Variants in ACTG2 observed in about 807,000 individuals in gnomAD.
ACTG2 encodes the protein actin gamma 2, smooth muscle.
Under a neutral mutation model 37.6 loss-of-function variants are expected in ACTG2, and 16 were observed. That is an observed-to-expected ratio of 0.43 (90% CI 0.29 to 0.65). The LOEUF (loss-of-function observed/expected upper bound fraction) is 0.65, where lower values mean the gene tolerates loss of function less well. Ranked by LOEUF, ACTG2 falls within the 30% of genes least tolerant of loss-of-function variation. ACTG2 has a pLI of 0.18. For missense variants in ACTG2, 238 were observed against 490.9 expected, an observed-to-expected ratio of 0.48 and a Z score of 4.87; for synonymous variants, 181 against 179.9, an observed-to-expected ratio of 1.01 and a Z score of -0.05.
rs1248788175 is a variant in ACTG2 at position 73,919,573 on chromosome 2, T to C, written c.1129T>C (p.Ter377GlnextTer21). The C allele has an allele frequency of 6.2e-7, 1 of 1,613,934 alleles. No individual in the cohort carries two copies. Among genetic ancestry groups the C allele is most frequent in the Non-Finnish European group, 8.5e-7 (1 of 1,179,932 alleles). Residue 377 changes from the stop codon to glutamine (Q), a stop_lost, in exon 9 of 9, where the codon TAA becomes CAA. Coordinates refer to ENST00000345517, the MANE Select transcript of ACTG2 (RefSeq NM_001615.4). ...CTCCATTGTCCACAGGAAGTGCTTCTAAAGTCAGAACAGGTTCTCCAAGGA... is the reference window on the plus strand; with the variant it reads ...CTCCATTGTCCACAGGAAGTGCTTCCAAAGTCAGAACAGGTTCTCCAAGGA... ...GPSIVHRKCF* is the reference protein window; with the variant it reads ...GPSIVHRKCFQ
intron 1 of ACTG2, chr2:73,896,962 T>C (rs1679759536): frequency 6.6e-6 from 1 of 152,346 alleles, no homozygotes; most frequent in African/African-American, 2.4e-5. Context: ...GTTTAGAATT[T>C]CTCCTGGCAG....
intron 3 of ACTG2, chr2:73,908,393 G>C (rs992012787): frequency 1.8e-6 from 1 of 540,726 alleles, no homozygotes; most frequent in African/African-American, 1.9e-5. Flanking sequence ...CACAAAGGCA[G>C]GGGAGAGACT....
intron 3 of ACTG2, among the ~76,000 whole-genome samples, chr2:73,903,948 A>C (rs1218773506): frequency 7.2e-5 from 7 of 96,658 alleles, no homozygotes; most frequent in Admixed American, 1.2e-4. Flanking sequence ...TCAAAAAAAA[A>C]AAAAAAAAAA....
rs1222777766 is a variant in ACTG2 at position 73,914,791 on chromosome 2, A to G, written c.725A>G (p.Glu242Gly). ...TCTTCCTCCCTGGAGAAGAGCTATG[A>G]GCTGCCAGATGGGCAGGTTATCACC... ...ASSSSLEKSY[E>G]LPDGQVITIG... The change falls in exon 7 of 9, where the codon GAG becomes GGG. Residue 242 changes from glutamate (E) to glycine (G), a missense_variant. Physicochemically the swap from Glu to Gly is moderately conservative, Grantham distance 98 (BLOSUM62 -2). Transcript: ENST00000345517. The G allele has an allele frequency of 1.2e-6, 2 of 1,612,648 alleles. No individual in the cohort carries two copies. Among genetic ancestry groups the G allele is most frequent in the Non-Finnish European group, 1.7e-6 (2 of 1,179,190 alleles).
In ACTG2 at chr2:73,916,303, G is replaced by T. The variant is rs759217438; in HGVS notation, c.806-281G>T. On this transcript the variant is annotated intron_variant, in intron 7 of 8. Transcript: ENST00000345517. Reference sequence around the variant, plus strand: ...AGACATGAGAATCACTTGAACCAGGGATCAGAGGTTGCAGTGAGCTGAGAT... The same window carrying T: ...AGACATGAGAATCACTTGAACCAGGTATCAGAGGTTGCAGTGAGCTGAGAT... 1.5e-4 allele frequency among the ~76,000 whole-genome samples: 22 copies of T among 151,514 alleles called. No homozygotes were observed. In the South Asian group the frequency reaches 1.7e-3, roughly 11 times the overall value.
chr2:73,899,812 C>T (rs1679838942), intron 1 of ACTG2, among the ~76,000 whole-genome samples: 1 of 152,128 alleles, frequency 6.6e-6, no homozygotes, highest in Non-Finnish European at 1.5e-5. Flanking sequence ...GGACTCATCT[C>T]TGGGGCTATG....
rs573400125 is a variant in ACTG2, at chr2:73,903,422, T to G, written c.255+934T>G. On this transcript the variant is annotated intron_variant, in intron 3 of 8. Transcript: ENST00000345517. Reference sequence around the variant, plus strand: ...ATTTCACGTTATACAGTGGAGTGGGTAAGAGCACAGACATTAGAGGCAATG... The same window carrying G: ...ATTTCACGTTATACAGTGGAGTGGGGAAGAGCACAGACATTAGAGGCAATG... 1.4e-4 allele frequency among the ~76,000 whole-genome samples: 22 copies of G among 152,328 alleles called. No individual in the cohort carries two copies. In the South Asian group the frequency reaches 4.6e-3, roughly 32 times the overall value.
intron 1 of ACTG2, among the ~76,000 whole-genome samples, chr2:73,893,616 A>T (rs1247809916): frequency 6.6e-6 from 1 of 152,124 alleles, no homozygotes; most frequent in Non-Finnish European, 1.5e-5. Context: ...AGGCTCTAGG[A>T]TCATTGGGGG....
At chr2:73,909,175 C>T (rs1428222319) in intron 5 of ACTG2, 36 bp downstream of exon 5, 3 of 1,575,958 alleles carry the variant, frequency 1.9e-6, no homozygotes, top group Admixed American at 3.3e-5. Context: ...TTTCTGACTT[C>T]AGGGGAGGTA....
At position 73,916,582 on chromosome 2, in the gene ACTG2, A is replaced by G. The variant is rs1388252614; in HGVS notation, c.806-2A>G. 6.2e-7 allele frequency: 1 copy of G among 1,611,408 alleles called. No individual in the cohort carries two copies. The highest frequency in any genetic ancestry group is 1.7e-5 in the Admixed American group (1 of 59,810). On this transcript the variant is annotated splice_acceptor_variant, in intron 7 of 8. Coordinates refer to ENST00000345517, the MANE Select transcript of ACTG2 (RefSeq NM_001615.4). LOFTEE classifies it high-confidence loss of function. ...TTGACCAGACACTGTGATCTCCACT[A>G]GGCATGGAGTCCGCTGGAATTCATG...
In ACTG2 at chr2:73,902,491, A is replaced by T; in HGVS notation, c.255+3A>T. ...CCAACTGGGATGACATGGAGAAGGT[A>T]TCTGTAGACTTCCCCTTAATGAGCC... On this transcript the variant is annotated splice_donor_region_variant and intron_variant, in intron 3 of 8. Transcript: ENST00000345517. 1 of 1,614,076 alleles carries T rather than the reference A, an allele frequency of 6.2e-7. No homozygotes were observed. The highest frequency in any genetic ancestry group is 8.5e-7 in the Non-Finnish European group (1 of 1,180,004).
At chr2:73,910,983 C>G (rs1410070701) in intron 5 of ACTG2, among the ~76,000 whole-genome samples, 2 of 151,818 alleles carry the variant, frequency 1.3e-5, no homozygotes, top group African/African-American at 4.8e-5. Flanking sequence ...TAGCCTCGGC[C>G]TACACAGGTT....
rs183541602 is a variant in ACTG2, at chr2:73,900,373, A to G, written c.-36-903A>G. Among the ~76,000 whole-genome samples the G allele has an allele frequency of 1.3e-3, 202 of 152,354 alleles. 1 individual carries two copies. Among genetic ancestry groups the G allele is most frequent in the Admixed American group, 3.7e-3 (56 of 15,308 alleles). ...TCAGATGCTGTTTGTAACTCAAAAGAAAGAAAGAAAAAGAAAAAGATACAG... is the reference window on the plus strand; with the variant it reads ...TCAGATGCTGTTTGTAACTCAAAAGGAAGAAAGAAAAAGAAAAAGATACAG... On this transcript the variant is annotated intron_variant, in intron 1 of 8. Coordinates refer to ENST00000345517, the MANE Select transcript of ACTG2 (RefSeq NM_001615.4).
At chr2:73,897,184 C>G (rs1465263196) in intron 1 of ACTG2, 1 of 152,268 alleles carries the variant, frequency 6.6e-6, no homozygotes, top group African/African-American at 2.4e-5. Context: ...CGCCTTGTGG[C>G]TTCTCTGAGC....
chr2:73,895,532 C>T (rs1422484466), intron 1 of ACTG2, among the ~76,000 whole-genome samples: 1 of 152,178 alleles, frequency 6.6e-6, no homozygotes. Flanking sequence ...GGCAGAGACG[C>T]AGCTGCTTAC....
At chr2:73,898,545 G>C (rs1679802910) in intron 1 of ACTG2, among the ~76,000 whole-genome samples, 1 of 150,452 alleles carries the variant, frequency 6.6e-6, no homozygotes, top group African/African-American at 2.5e-5. Flanking sequence ...ATTTCACAAA[G>C]ATAGATTCGT....
chr2:73,899,273 G>C (rs905335264), intron 1 of ACTG2, among the ~76,000 whole-genome samples: 1 of 152,042 alleles, frequency 6.6e-6, no homozygotes, highest in Non-Finnish European at 1.5e-5. Flanking sequence ...ACCAGCCTGG[G>C]CAACAGAGGG....
intron 6 of ACTG2, among the ~76,000 whole-genome samples, chr2:73,914,119 T>G (rs1224734635): frequency 1.3e-5 from 2 of 152,190 alleles, no homozygotes; most frequent in Non-Finnish European, 2.9e-5. Flanking sequence ...GGCCTAAGGC[T>G]TTGTCAGAAA....
chr2:73,902,041 C>CTGTGTGTGTCTG (rs1558622697), intron 2 of ACTG2, among the ~76,000 whole-genome samples: 4 of 131,286 alleles, frequency 3.0e-5, no homozygotes, highest in Non-Finnish European at 1.6e-5. Context: ...GTGTGTGTGT[C>CTGTGTGTGTCTG]TGTGTGTGTG....
Sources: gnomAD v4.1 joint callset for allele counts (sites outside exome capture counted in the v4.1 genomes callset) on GRCh38, gnomAD v4.1.1 for gene constraint, MANE v1.5 for transcripts, NCBI Gene and HGNC (gene_info 2026-07-23, HGNC 2026-07-21) for gene names.